Variants in TMEM232 observed in about 807,000 individuals in gnomAD.
TMEM232 encodes the protein transmembrane protein 232.
A neutral mutation model predicts 78.8 loss-of-function variants in TMEM232; 80 were observed. The ratio of observed to expected loss-of-function variants is 1.01; its 90% CI spans 0.85 to 1.22. TMEM232 has a LOEUF of 1.22. TMEM232 is among the 50% of genes most tolerant of loss of function. The probability of loss-of-function intolerance (pLI) is 0.00; values close to 1 mark genes in which losing one functional copy is unlikely to be tolerated. For synonymous variants in TMEM232, 297 were observed against 254.3 expected (o/e 1.17, Z -1.60); for missense variants, 881 against 742.2 (o/e 1.19, Z -2.17).
chr5:110,490,446 T>C (rs569787682), intron 12 of TMEM232, among the ~76,000 whole-genome samples: 1 of 152,268 alleles, frequency 6.6e-6, no homozygotes, highest in Admixed American at 6.5e-5. Context: ...TGTGAATTAA[T>C]CAACCTATTC....
At chr5:110,677,259 GTTGT>G (rs1792144579) in intron 1 of TMEM232, among the ~76,000 whole-genome samples, 1 of 150,788 alleles carries the variant, frequency 6.6e-6, no homozygotes, top group African/African-American at 2.4e-5. Context: ...TTTCTATTGA[GTTGT>G]TTGAGTCCCT....
intron 12 of TMEM232, among the ~76,000 whole-genome samples, chr5:110,439,670 A>C (rs1758817357): frequency 6.6e-6 from 1 of 151,976 alleles, no homozygotes; most frequent in South Asian, 2.1e-4. Context: ...TGTCGCTTTC[A>C]GATTGTATAG....
intron 11 of TMEM232, among the ~76,000 whole-genome samples, chr5:110,540,628 T>G (rs1195130111): frequency 1.3e-5 from 2 of 152,194 alleles, no homozygotes; most frequent in Non-Finnish European, 2.9e-5. Context: ...AGTAGTTTCA[T>G]GTCAAATAGG....
chr5:110,445,294 CATA>C (rs1323541683), intron 12 of TMEM232, among the ~76,000 whole-genome samples: 3 of 152,016 alleles, frequency 2.0e-5, no homozygotes, highest in Non-Finnish European at 2.9e-5. Context: ...CTAATTAACA[CATA>C]ATAAATTACA....
chr5:110,733,981 C>T (rs1406074289), intron 2 of TMEM232, among the ~76,000 whole-genome samples: 2 of 152,190 alleles, frequency 1.3e-5, no homozygotes, highest in African/African-American at 2.4e-5. Context: ...TTAATTTTCA[C>T]AGCATTTTTA....
At chr5:110,658,657 GC>G (rs1158723204) in intron 2 of TMEM232, among the ~76,000 whole-genome samples, 2 of 152,086 alleles carry the variant, frequency 1.3e-5, no homozygotes, top group African/African-American at 4.8e-5. Flanking sequence ...TCTGTAAGAA[GC>G]CCACTTAGAA....
At chr5:110,477,625 T>G (rs1376716782) in intron 12 of TMEM232, among the ~76,000 whole-genome samples, 1 of 151,832 alleles carries the variant, frequency 6.6e-6, no homozygotes, top group Non-Finnish European at 1.5e-5. Flanking sequence ...CTCCATCTAT[T>G]CAAAAACCTC....
At chr5:110,449,244 A>G (rs758025577) in intron 12 of TMEM232, among the ~76,000 whole-genome samples, 2 of 152,104 alleles carry the variant, frequency 1.3e-5, no homozygotes, top group East Asian at 3.9e-4. Flanking sequence ...ACTTTTTAAA[A>G]TACACACCTA....
At chr5:110,490,471 C>T (rs1208651754) in intron 12 of TMEM232, among the ~76,000 whole-genome samples, 1 of 152,114 alleles carries the variant, frequency 6.6e-6, no homozygotes, top group Non-Finnish European at 1.5e-5. Context: ...CAAACCTTTT[C>T]AAAACACAAG....
intron 11 of TMEM232, among the ~76,000 whole-genome samples, chr5:110,538,361 G>A (rs962675154): frequency 1.3e-5 from 2 of 152,154 alleles, no homozygotes; most frequent in African/African-American, 4.8e-5. Flanking sequence ...CTGTTATGGT[G>A]TATAACAATT....
chr5:110,682,296 A>G (rs1255103292), intron 1 of TMEM232, among the ~76,000 whole-genome samples: 1 of 152,202 alleles, frequency 6.6e-6, no homozygotes, highest in East Asian at 1.9e-4. Context: ...ATGGAAATAA[A>G]ACATTAAGTG....
At chr5:110,720,830 C>T (rs1366506105) in intron 1 of TMEM232, 1 of 152,090 alleles carries the variant, frequency 6.6e-6, no homozygotes, top group Non-Finnish European at 1.5e-5. Context: ...TTAACACATG[C>T]TCAACTGTTG....
chr5:110,648,301 G>A (rs959608271), intron 2 of TMEM232, among the ~76,000 whole-genome samples: 2 of 152,030 alleles, frequency 1.3e-5, no homozygotes, highest in African/African-American at 4.8e-5. Context: ...AACTGCGTGT[G>A]GTTGTGTAAA....
At chr5:110,716,012 T>A (rs1015113455) in intron 1 of TMEM232, among the ~76,000 whole-genome samples, 1 of 152,090 alleles carries the variant, frequency 6.6e-6, no homozygotes, top group Non-Finnish European at 1.5e-5. Flanking sequence ...AACCCACCAC[T>A]CCCAGCTTTG....
intron 8 of TMEM232, among the ~76,000 whole-genome samples, chr5:110,615,501 T>C (rs1782811419): frequency 2.0e-5 from 3 of 151,920 alleles, no homozygotes; most frequent in Admixed American, 1.3e-4. Context: ...AAAAAGGTCA[T>C]ACATGGCAAG....
intron 7 of TMEM232, 87 bp from the exon 8 acceptor site, chr5:110,618,649 T>G: frequency 1.5e-6 from 2 of 1,300,890 alleles, no homozygotes; most frequent in South Asian, 3.1e-5. Flanking sequence ...GAAAATAAAT[T>G]TTAAATATAC....
chr5:110,514,654 GCACAGACTTTTTA>G lies in TMEM232; in HGVS notation c.1703+13921_1703+13933del, dbSNP rs1382484787. Among the ~76,000 whole-genome samples the G allele has an allele frequency of 5.3e-5, 8 of 152,182 alleles. No individual in the cohort carries two copies. In the East Asian group the frequency reaches 1.5e-3, roughly 29 times the overall value. ...GCATATTTCACATAGTCTGAAGGAG[GCACAGACTTTTTA>G]CATTTTTTTTCCTTCATGAAACAGA... On this transcript the variant is annotated intron_variant, in intron 12 of 13. Transcript: ENST00000455884.
At chr5:110,668,544 C>G (rs866600431) in intron 1 of TMEM232, among the ~76,000 whole-genome samples, 22 of 152,128 alleles carry the variant, frequency 1.4e-4, no homozygotes, top group African/African-American at 4.8e-4. Context: ...AAATATGGAT[C>G]ACAGACACAA....
chr5:110,389,210 G>A (rs528084288), intron 4 of TMEM232, among the ~76,000 whole-genome samples: 2 of 152,204 alleles, frequency 1.3e-5, no homozygotes, highest in Non-Finnish European at 2.9e-5. Flanking sequence ...GCAGTGAGCC[G>A]AGATCGCACT....
Sources: gnomAD v4.1 joint callset for allele counts (sites outside exome capture counted in the v4.1 genomes callset) on GRCh38, gnomAD v4.1.1 for gene constraint, MANE v1.5 for transcripts, NCBI Gene and HGNC (gene_info 2026-07-23, HGNC 2026-07-21) for gene names.